RAD51B: variants seen among roughly 807,000 people sequenced by gnomAD.
The protein encoded by RAD51B is DNA repair protein RAD51 homolog 2.
RAD51B carries 38 observed loss-of-function variants against 42.2 expected under a neutral mutation model. That is an observed-to-expected ratio of 0.90 (90% CI 0.70 to 1.18). The LOEUF (loss-of-function observed/expected upper bound fraction) is 1.18. Among genes scored for constraint, RAD51B ranks in the 50% most tolerant of loss-of-function variants. The pLI is 0.00. For missense variants in RAD51B, 373 were observed against 400.7 expected, an observed-to-expected ratio of 0.93 and a Z score of 0.59; for synonymous variants, 154 against 145.2, an observed-to-expected ratio of 1.06 and a Z score of -0.43.
At chr14:68,264,363 C>T (rs1036318278) in intron 7 of RAD51B, among the ~76,000 whole-genome samples, 3 of 152,220 alleles carry the variant, frequency 2.0e-5, no homozygotes, top group Non-Finnish European at 4.4e-5. Context: ...TAGGCAGGAA[C>T]GGAGCCAGAC....
intron 7 of RAD51B, among the ~76,000 whole-genome samples, chr14:68,276,235 C>T (rs2081221691): frequency 6.6e-6 from 1 of 152,142 alleles, no homozygotes; most frequent in Non-Finnish European, 1.5e-5. Flanking sequence ...TTTAGAATGA[C>T]CTTCCACATA....
chr14:68,267,714 G>A (rs1385430059), intron 7 of RAD51B, among the ~76,000 whole-genome samples: 1 of 152,098 alleles, frequency 6.6e-6, no homozygotes, highest in Non-Finnish European at 1.5e-5. Flanking sequence ...TGTCTCTCTA[G>A]CTCACAATAG....
intron 7 of RAD51B, among the ~76,000 whole-genome samples, chr14:67,990,928 G>A (rs2075286583): frequency 6.6e-6 from 1 of 152,158 alleles, no homozygotes; most frequent in Non-Finnish European, 1.5e-5. Flanking sequence ...TCTTTTTAGA[G>A]AGGGTAGAAG....
At chr14:68,181,710 A>G (rs1451757822) in intron 7 of RAD51B, among the ~76,000 whole-genome samples, 1 of 152,188 alleles carries the variant, frequency 6.6e-6, no homozygotes, top group East Asian at 1.9e-4. Flanking sequence ...ACCATTTTCC[A>G]TGTCTACAGA....
chr14:68,501,330 A>G (rs1884902745), intron 10 of RAD51B, among the ~76,000 whole-genome samples: 1 of 152,214 alleles, frequency 6.6e-6, no homozygotes, highest in Non-Finnish European at 1.5e-5. Flanking sequence ...CAGACTGAGG[A>G]AGAAGGATGC....
At chr14:68,606,978 CAT>C (rs1235734291) in intron 10 of RAD51B, among the ~76,000 whole-genome samples, 3 of 152,204 alleles carry the variant, frequency 2.0e-5, no homozygotes, top group Non-Finnish European at 4.4e-5. Context: ...GGGAGTGTCA[CAT>C]GTAAACTGTG....
intron 7 of RAD51B, among the ~76,000 whole-genome samples, chr14:67,997,142 A>G (rs573999690): frequency 1.3e-5 from 2 of 152,298 alleles, no homozygotes; most frequent in Admixed American, 1.3e-4. Flanking sequence ...AGTCAGATAT[A>G]TGAGTTCAGA....
rs190603303 is a variant in RAD51B at position 68,304,234 on chromosome 14, A to G, written c.853+12254A>G. On this transcript the variant is annotated intron_variant, in intron 8 of 10. Transcript: ENST00000471583. ...TATGTTCCTTTTGCTAATGATTGCAATAATAATATTGAGTGCCTATTATGC... is the reference window on the plus strand; with the variant it reads ...TATGTTCCTTTTGCTAATGATTGCAGTAATAATATTGAGTGCCTATTATGC... Among the ~76,000 whole-genome samples the G allele has an allele frequency of 2.5e-4, 38 of 152,328 alleles. 1 individual carries two copies. Among genetic ancestry groups the G allele is most frequent in the Admixed American group, 2.5e-3 (38 of 15,292 alleles).
chr14:68,079,860 GTCTC>G (rs947461980), intron 7 of RAD51B, among the ~76,000 whole-genome samples: 13 of 152,200 alleles, frequency 8.5e-5, no homozygotes, highest in Non-Finnish European at 1.6e-4. Flanking sequence ...CACAGGCTCT[GTCTC>G]TCTAACATAC....
intron 11 of RAD51B, among the ~76,000 whole-genome samples, chr14:68,664,351 T>C (rs1892991765): frequency 1.3e-5 from 2 of 152,190 alleles, no homozygotes; most frequent in Admixed American, 1.3e-4. Flanking sequence ...CCTCTGCCCT[T>C]ACAGAGCTTC....
chr14:67,838,676 C>T (rs2041328178), intron 4 of RAD51B, among the ~76,000 whole-genome samples: 2 of 151,980 alleles, frequency 1.3e-5, no homozygotes, highest in African/African-American at 4.8e-5. Context: ...AACTCCTGAC[C>T]TCAAGTGATC....
chr14:68,028,788 C>T (rs2075994596), intron 7 of RAD51B, among the ~76,000 whole-genome samples: 1 of 152,320 alleles, frequency 6.6e-6, no homozygotes, highest in Middle Eastern at 3.4e-3. Flanking sequence ...TGCCCCCATG[C>T]TGGCCCTACT....
intron 11 of RAD51B, among the ~76,000 whole-genome samples, chr14:68,673,586 C>G (rs1318255680): frequency 6.9e-6 from 1 of 145,586 alleles, no homozygotes; most frequent in Non-Finnish European, 1.5e-5. Flanking sequence ...ACATACTGTA[C>G]ATACACATAT....
intron 10 of RAD51B, among the ~76,000 whole-genome samples, chr14:68,469,982 A>G (rs1039284740): frequency 7.9e-5 from 12 of 152,166 alleles, no homozygotes; most frequent in African/African-American, 2.7e-4. Context: ...CATTGCTAAG[A>G]TCATGATTTT....
At chr14:68,365,238 T>C (rs1325201327) in intron 8 of RAD51B, among the ~76,000 whole-genome samples, 2 of 152,184 alleles carry the variant, frequency 1.3e-5, no homozygotes, top group African/African-American at 4.8e-5. Context: ...GGCCTGTAAG[T>C]AGAATAAAGA....
chr14:68,628,030 A>G (rs1892130825), intron 10 of RAD51B, among the ~76,000 whole-genome samples: 1 of 152,198 alleles, frequency 6.6e-6, no homozygotes, highest in African/African-American at 2.4e-5. Flanking sequence ...GAAAAATGAA[A>G]GAGCCGTTCA....
At chr14:68,532,331 C>T (rs947525604) in intron 10 of RAD51B, among the ~76,000 whole-genome samples, 5 of 151,842 alleles carry the variant, frequency 3.3e-5, no homozygotes, top group East Asian at 1.9e-4. Flanking sequence ...AGATAAAACC[C>T]TAGCAGGGCT....
intron 11 of RAD51B, among the ~76,000 whole-genome samples, chr14:68,671,627 C>A (rs980373702): frequency 6.6e-6 from 1 of 152,084 alleles, no homozygotes; most frequent in African/African-American, 2.4e-5. Flanking sequence ...GTGCTCACTG[C>A]ATTTTTTGCC....
intron 10 of RAD51B, among the ~76,000 whole-genome samples, chr14:68,560,470 T>G (rs949503403): frequency 2.0e-5 from 3 of 152,102 alleles, no homozygotes; most frequent in African/African-American, 7.2e-5. Context: ...GCGCGGTGGC[T>G]CACGCCTGTA....
Sources: allele counts gnomAD v4.1 joint callset (sites outside exome capture counted in the v4.1 genomes callset), GRCh38; gene constraint gnomAD v4.1.1; transcripts MANE v1.5; gene names NCBI Gene and HGNC (gene_info 2026-07-23, HGNC 2026-07-21).